The following DYNC1H1 variants were observed in gnomAD, a reference collection of about 807,000 sequenced individuals.
DYNC1H1 encodes cytoplasmic dynein 1 heavy chain 1.
Under a neutral mutation model 527.1 loss-of-function variants are expected in DYNC1H1, and 51 were observed. The ratio of observed to expected loss-of-function variants is 0.10; its 90% confidence interval spans 0.08 to 0.12. DYNC1H1 has a LOEUF of 0.12. Ranked by LOEUF, DYNC1H1 falls within the 10% of genes least tolerant of loss-of-function variation. DYNC1H1 has a pLI of 1.00. For missense variants in DYNC1H1, 2,771 were observed against 5,971.8 expected, an observed-to-expected ratio of 0.46 and a Z score of 17.66; for synonymous variants, 2,189 against 2,278.8, an observed-to-expected ratio of 0.96 and a Z score of 1.12.
rs1248975083 is a variant in DYNC1H1 at position 102,029,404 on chromosome 14, C to T, written c.9469-135C>T. 14 of 1,166,892 alleles carry T rather than the reference C, an allele frequency of 1.2e-5. No homozygotes were observed. The highest frequency in any genetic ancestry group is 6.1e-5 in the Admixed American group (3 of 49,314). The allele number at this position is 1,166,892 out of a possible 1,614,324, so 72.3% of individuals were successfully genotyped here. A position where few individuals can be genotyped will look rare whatever the true frequency, so the allele number is the denominator to read the frequency against. On this transcript the variant is annotated intron_variant, in intron 48 of 77. Coordinates refer to ENST00000360184, the MANE Select transcript of DYNC1H1 (RefSeq NM_001376.5). This position sits in a 1 kb window ranked among gnomAD's most constrained non-coding sequence, Gnocchi z 5.3. Reference sequence around the variant, plus strand: ...AGCTCTAAGTGGCTAAGCTGAGGCCCGACTCGAGTGTTCTGGCCCCGAGGG... The same window carrying T: ...AGCTCTAAGTGGCTAAGCTGAGGCCTGACTCGAGTGTTCTGGCCCCGAGGG...
intron 56 of DYNC1H1, 64 bp downstream of exon 56, chr14:102,034,516 C>A: frequency 6.2e-7 from 1 of 1,609,542 alleles, no homozygotes; most frequent in Non-Finnish European, 8.5e-7. Flanking sequence ...GAATTTTTTT[C>A]AAAATACACC....
In DYNC1H1 at chr14:102,040,328, C is replaced by T; in HGVS notation, c.11783C>T (p.Thr3928Ile). ...AGSTPRIQGL[T>I]VEQAEAVVRL... ...TCCACCCCCAGGATCCAGGGCCTGA[C>T]TGTGGAGCAGGCGGAGGCGGTGGTG... Residue 3928 changes from threonine (T) to isoleucine (I), a missense_variant, in exon 63 of 78, where the codon ACT becomes ATT. Transcript: ENST00000360184. The T allele has an allele frequency of 6.2e-7, 1 of 1,614,192 alleles. No individual in the cohort carries two copies. Among genetic ancestry groups the T allele is most frequent in the Non-Finnish European group, 8.5e-7 (1 of 1,180,048 alleles).
chr14:102,024,930 G>T (rs1300269632), intron 43 of DYNC1H1, among the ~76,000 whole-genome samples: 2 of 151,604 alleles, frequency 1.3e-5, no homozygotes, highest in African/African-American at 4.8e-5. Context: ...TCCTGACCTC[G>T]TGATCAGCCC....
chr14:102,028,212 T>C (rs2048471876), intron 48 of DYNC1H1, 71 bp downstream of exon 48: 2 of 1,576,264 alleles, frequency 1.3e-6, no homozygotes, highest in Admixed American at 1.7e-5. Context: ...ACTAAATTGC[T>C]ATAAAAATAG....
rs774806132 is a variant in DYNC1H1, at chr14:102,027,725, A to G, written c.9155A>G (p.Lys3052Arg). The change falls in exon 47 of 78, where the codon AAG (lysine) becomes AGG (arginine). Residue 3052 changes from lysine (K) to arginine (R), a missense_variant. By Grantham distance (26) the Lys-to-Arg change is conservative. Coordinates refer to ENST00000360184, the MANE Select transcript of DYNC1H1 (RefSeq NM_001376.5). The surrounding 1 kb of genome is among the most constrained non-coding windows in gnomAD (Gnocchi z 7.7). ...CTGGACTCGCACGAGGAGCTCTACA[A>G]GTGGTTCACTAGCCAGGTTATCCGC... ...LMLDSHEELY[K>R]WFTSQVIRNL... 184 of 1,614,058 alleles carry G rather than the reference A, an allele frequency of 1.1e-4. No homozygotes were observed. Among genetic ancestry groups the G allele is most frequent in the Non-Finnish European group, 1.5e-4 (175 of 1,180,040 alleles).
In DYNC1H1 at chr14:102,050,145, C is replaced by T; in HGVS notation, c.13759C>T (p.Leu4587=). 6.2e-7 allele frequency: 1 copy of T among 1,614,166 alleles called. No individual in the cohort carries two copies. The highest frequency in any genetic ancestry group is 8.5e-7 in the Non-Finnish European group (1 of 1,180,038). The stretch of plus-strand genomic sequence containing the variant: ...CAATGCCATCTCAACCGCCCTTCCC[C>T]TGACGCAGCTGCGCTGGGTCAAGCA... The part of the protein sequence containing the change: ...LSNAISTALP[L]TQLRWVKQTN... The change falls in exon 77 of 78, where the codon CTG becomes TTG. Residue 4587 remains leucine (L), a synonymous_variant. Coordinates refer to ENST00000360184, the MANE Select transcript of DYNC1H1 (RefSeq NM_001376.5).
Position 102,050,674 on chromosome 14 carries a change from G to A in DYNC1H1, c.*111G>A. 2 of 1,549,302 alleles carry A rather than the reference G, an allele frequency of 1.3e-6. No homozygotes were observed. Among genetic ancestry groups the A allele is most frequent in the Non-Finnish European group, 1.8e-6 (2 of 1,130,948 alleles). On this transcript the variant is annotated 3_prime_UTR_variant, in exon 78 of 78. Transcript: ENST00000360184. ...GTGAAAAGAAAGTGGTTGGTCTGAG[G>A]TTGGAGGAAGCTGAATGGAATCTGA...
At chr14:102,022,278 C>T (rs907694804) in intron 42 of DYNC1H1, among the ~76,000 whole-genome samples, 5 of 151,736 alleles carry the variant, frequency 3.3e-5, no homozygotes, top group African/African-American at 9.7e-5. Context: ...GGGCGGATCA[C>T]GAGGTCAGGA....
chr14:102,053,362 G>C lies in DYNC1H1; in HGVS notation c.*2799G>C, dbSNP rs2048841022. ...AGGCTGGTCTTGAACTCCTGACTCA[G>C]GTGATCCACCCGCCTCAGCCTCCCA... is the stretch of plus-strand genomic sequence containing the variant. On this transcript the variant is annotated 3_prime_UTR_variant, in exon 78 of 78. Transcript: ENST00000360184. The C allele has an allele frequency of 6.6e-6, 1 of 151,906 alleles. No homozygotes were observed. Among genetic ancestry groups the C allele is most frequent in the Admixed American group, 6.6e-5 (1 of 15,194 alleles). 9.4% of individuals were successfully genotyped at this position (151,906 alleles called of 1,614,324 possible).
rs377246527 is a variant in DYNC1H1 at position 102,033,203 on chromosome 14, C to T, written c.10197+21C>T. 16 of 1,613,968 alleles carry T rather than the reference C, an allele frequency of 9.9e-6. No homozygotes were observed. In the African/African-American group the frequency reaches 1.9e-4, roughly 19 times the overall value. ...CACAGGTGATTAACACAGCCAGGAG[C>T]TCCCGTGTGAAAGGTGACCTCTTTT... is the stretch of plus-strand genomic sequence containing the variant. On this transcript the variant is annotated intron_variant, in intron 53 of 77. Transcript: ENST00000360184. The surrounding 1 kb of genome is among the most constrained non-coding windows in gnomAD (Gnocchi z 5.6).
At chr14:102,006,624 G>A (rs1267974030) in intron 27 of DYNC1H1, among the ~76,000 whole-genome samples, 1 of 146,158 alleles carries the variant, frequency 6.8e-6, no homozygotes, top group Non-Finnish European at 1.5e-5. Context: ...TTTTTGAGAT[G>A]GAGTCTTGCT....
chr14:102,041,710 C>T lies in DYNC1H1; in HGVS notation c.12078C>T (p.Asp4026=), dbSNP rs2048652053. The T allele has an allele frequency of 4.3e-6, 7 of 1,614,202 alleles. No individual in the cohort carries two copies. The highest frequency in any genetic ancestry group is 5.9e-6 in the Non-Finnish European group (7 of 1,180,044). ...TGTCCATCATGGAGCAGCCGCTCGA[C>T]CTGACCCACATTGTGGGCACAGAGG... The part of the protein sequence containing the change: ...SFMSIMEQPL[D]LTHIVGTEVK... Residue 4026 remains aspartate, a synonymous_variant, in exon 65 of 78, where the codon GAC becomes GAT. Coordinates refer to ENST00000360184, the MANE Select transcript of DYNC1H1 (RefSeq NM_001376.5). The surrounding 1 kb of genome is among the most constrained non-coding windows in gnomAD (Gnocchi z 4.5).
Position 102,033,739 on chromosome 14 carries a change from T to A in DYNC1H1, c.10414-237T>A. On this transcript the variant is annotated intron_variant, in intron 54 of 77. Transcript: ENST00000360184. The surrounding 1 kb of genome is among the most constrained non-coding windows in gnomAD (Gnocchi z 5.6). ...CACCAGCAGCTCCAGACCTGTTTGC[T>A]CTGCTGCCTGAGGGCCTCGCTCCGT... The A allele has an allele frequency of 1.5e-6, 1 of 682,086 alleles. No homozygotes were observed. Among genetic ancestry groups the A allele is most frequent in the Admixed American group, 2.4e-5 (1 of 40,888 alleles). 42.3% of individuals were successfully genotyped at this position (682,086 alleles called of 1,614,324 possible). A position where few individuals can be genotyped will look rare whatever the true frequency, so the allele number is the denominator to read the frequency against.
At chr14:101,998,394 A>AC (rs1419252555) in intron 16 of DYNC1H1, among the ~76,000 whole-genome samples, 1 of 151,902 alleles carries the variant, frequency 6.6e-6, no homozygotes, top group East Asian at 1.9e-4. Flanking sequence ...AAACGCCTGG[A>AC]CCCCTCTCCC....
rs1489046941 is a variant in DYNC1H1 at position 102,005,120 on chromosome 14, G to A, written c.5317G>A (p.Gly1773Arg). ...CGCACTGAGCAGCATGGGCGGAGGT[G>A]GAGATGCCGCGCCCTTGCACTCTGT... ...ETALSSMGGGGDAAPLHSVLS... is the reference protein window; with the variant it reads ...ETALSSMGGGRDAAPLHSVLS... The change falls in exon 26 of 78, where the codon GGA becomes AGA. Residue 1773 changes from glycine (G) to arginine (R), a missense_variant. Physicochemically the swap from Gly to Arg is moderately radical, Grantham distance 125. Coordinates refer to ENST00000360184, the MANE Select transcript of DYNC1H1 (RefSeq NM_001376.5). The surrounding 1 kb of genome is among the most constrained non-coding windows in gnomAD (Gnocchi z 4.0). 4.3e-6 allele frequency: 7 copies of A among 1,614,196 alleles called. No individual in the cohort carries two copies. The Admixed American group carries it at 1.0e-4, about 23-fold the overall frequency.
At position 101,984,450 on chromosome 14, in the gene DYNC1H1, ATTT is replaced by A. The variant is rs34383305; in HGVS notation, c.1461+861_1461+863del. The stretch of plus-strand genomic sequence containing the variant: ...GTGTGTGTATATATATATATATTAT[ATTT>A]TTTTTTTTTTTTTTTTTTTGAGACT... On this transcript the variant is annotated intron_variant, in intron 7 of 77. Transcript: ENST00000360184. 3.0e-3 allele frequency among the ~76,000 whole-genome samples: 213 copies of A among 69,948 alleles called. 2 individuals carry two copies. The highest frequency in any genetic ancestry group is 0.013 in the African/African-American group (207 of 15,388). The allele number at this position is 69,948 out of a possible 152,430, so 45.9% of individuals were successfully genotyped here.
intron 51 of DYNC1H1, among the ~76,000 whole-genome samples, chr14:102,031,369 G>C (rs571231710): frequency 6.6e-6 from 1 of 152,200 alleles, no homozygotes; most frequent in East Asian, 1.9e-4. Context: ...TGAGTAGCTG[G>C]AACTATAGGT....
intron 1 of DYNC1H1, among the ~76,000 whole-genome samples, chr14:101,970,581 C>T (rs1429647636): frequency 7.2e-6 from 1 of 139,000 alleles, no homozygotes; most frequent in African/African-American, 2.7e-5. Context: ...CTCCTGGGTT[C>T]AAGTGATTCT....
Position 102,033,616 on chromosome 14 carries a change from C to CT in DYNC1H1, c.10413+138dup. ...TTAACATCTGTAAGGCCCCGGAGGA[C>CT]TTTTTTCCTGGAAAATAATACACAC... On this transcript the variant is annotated intron_variant, in intron 54 of 77. Coordinates refer to ENST00000360184, the MANE Select transcript of DYNC1H1 (RefSeq NM_001376.5). This position sits in a 1 kb window ranked among gnomAD's most constrained non-coding sequence, Gnocchi z 5.6. 1 of 1,203,508 alleles carries CT rather than the reference C, an allele frequency of 8.3e-7. No homozygotes were observed. The highest frequency in any genetic ancestry group is 1.2e-6 in the Non-Finnish European group (1 of 843,840). The allele number at this position is 1,203,508 out of a possible 1,614,324, so 74.6% of individuals were successfully genotyped here.
Sources: allele counts gnomAD v4.1 joint callset (sites outside exome capture counted in the v4.1 genomes callset), GRCh38; gene constraint gnomAD v4.1.1; non-coding constraint Gnocchi (gnomAD v3.1); transcripts MANE v1.5; gene names NCBI Gene and HGNC (gene_info 2026-07-23, HGNC 2026-07-21).